The following CUX2 variants were observed in gnomAD, a reference collection of about 807,000 sequenced individuals.
The protein encoded by CUX2 is cut like homeobox 2.
CUX2 carries 40 observed loss-of-function variants against 144.8 expected under a neutral mutation model. The observed-to-expected ratio is 0.28, with a 90% CI of 0.21 to 0.36. The LOEUF is 0.36. CUX2 is among the 10% of genes least tolerant of loss of function. The pLI is 1.00. For missense variants in CUX2, 1,615 were observed against 1,994.0 expected (o/e 0.81, Z 3.62); for synonymous variants, 827 against 875.6 (o/e 0.94, Z 0.98).
intron 1 of CUX2, among the ~76,000 whole-genome samples, chr12:111,183,654 C>T (rs56688296): frequency 0.06 from 9,073 of 152,238 alleles, 552 homozygotes; most frequent in African/African-American, 0.15. Context: ...CCTCTCTGGG[C>T]GTCACTTCTC....
chr12:111,091,901 C>T lies in CUX2; in HGVS notation c.63+57661C>T, dbSNP rs116651203. On this transcript the variant is annotated intron_variant, in intron 1 of 21. Coordinates refer to ENST00000261726, the MANE Select transcript of CUX2 (RefSeq NM_015267.4). ...TGTCTCTTCTTATAAGGACAAGGGTCGCTAGATTTAGGGCCCACCCTAATC... is the reference window on the plus strand; with the variant it reads ...TGTCTCTTCTTATAAGGACAAGGGTTGCTAGATTTAGGGCCCACCCTAATC... Among the ~76,000 whole-genome samples, 130 of 152,322 alleles carry T rather than the reference C, an allele frequency of 8.5e-4. 1 individual carries two copies. Among genetic ancestry groups the T allele is most frequent in the African/African-American group, 3.0e-3 (126 of 41,570 alleles).
rs1242891444 is a variant in CUX2 at position 111,282,650 on chromosome 12, TCACA to T, written c.302-8765_302-8762del. On this transcript the variant is annotated intron_variant, in intron 4 of 21. Coordinates refer to ENST00000261726, the MANE Select transcript of CUX2 (RefSeq NM_015267.4). Reference sequence around the variant, plus strand: ...TAAAAAAAAAAAAAAAAAAAAAAAATCACACAGAACAGGAGGCTTAAACGCAAGA... The same window carrying T: ...TAAAAAAAAAAAAAAAAAAAAAAAATCAGAACAGGAGGCTTAAACGCAAGA... 6.0e-5 allele frequency among the ~76,000 whole-genome samples: 7 copies of T among 116,930 alleles called. No individual in the cohort carries two copies. In the East Asian group the frequency reaches 2.0e-3, roughly 34 times the overall value. 76.7% of individuals were successfully genotyped at this position (116,930 alleles called of 152,430 possible). A position where few individuals can be genotyped will look rare whatever the true frequency, so the allele number is the denominator to read the frequency against.
intron 1 of CUX2, among the ~76,000 whole-genome samples, chr12:111,134,854 A>T (rs79270933): frequency 0.032 from 4,866 of 152,236 alleles, 259 homozygotes; most frequent in African/African-American, 0.11. Flanking sequence ...AACTCCAGGC[A>T]GAAGGACCAT....
intron 18 of CUX2, among the ~76,000 whole-genome samples, chr12:111,330,730 T>TATATACACATATAC (rs1565926331): frequency 1.9e-5 from 1 of 51,586 alleles, no homozygotes; most frequent in East Asian, 3.3e-4. Flanking sequence ...TATATATATA[T>TATATACACATATAC]ATATATATAT....
chr12:111,304,082 G>A lies in CUX2; in HGVS notation c.754-128G>A. The stretch of plus-strand genomic sequence containing the variant: ...CTTCATAGCTCCAGGACAGGGTCCG[G>A]GACTAGGAAGGCAGGACCTGAGGCC... On this transcript the variant is annotated intron_variant, in intron 9 of 21. Coordinates refer to ENST00000261726, the MANE Select transcript of CUX2 (RefSeq NM_015267.4). This position sits in a 1 kb window ranked among gnomAD's most constrained non-coding sequence, Gnocchi z 4.7. 1 of 683,526 alleles carries A rather than the reference G, an allele frequency of 1.5e-6. No homozygotes were observed. Among genetic ancestry groups the A allele is most frequent in the Non-Finnish European group, 2.6e-6 (1 of 388,760 alleles). 42.3% of individuals were successfully genotyped at this position (683,526 alleles called of 1,614,324 possible). A position where few individuals can be genotyped will look rare whatever the true frequency, so the allele number is the denominator to read the frequency against.
At position 111,034,611 on chromosome 12, in the gene CUX2, G is replaced by T. The variant is rs530498736; in HGVS notation, c.63+371G>T. Among the ~76,000 whole-genome samples, 144 of 151,394 alleles carry T rather than the reference G, an allele frequency of 9.5e-4. 1 individual carries two copies. Among genetic ancestry groups the T allele is most frequent in the African/African-American group, 3.4e-3 (142 of 41,466 alleles). On this transcript the variant is annotated intron_variant, in intron 1 of 21. Coordinates refer to ENST00000261726, the MANE Select transcript of CUX2 (RefSeq NM_015267.4). The surrounding 1 kb of genome is among the most constrained non-coding windows in gnomAD (Gnocchi z 4.2). ...GTCCCCCCTGAGCCGCACTTTGCGC[G>T]CCTCCCAACTTCGCGGCGCCCGGGG... is the stretch of plus-strand genomic sequence containing the variant.
intron 1 of CUX2, among the ~76,000 whole-genome samples, chr12:111,083,345 CAAGGAGACCACG>C (rs1872011589): frequency 1.3e-5 from 2 of 151,976 alleles, no homozygotes; most frequent in Non-Finnish European, 2.9e-5. Flanking sequence ...ATCAGCAGGC[CAAGGAGACCACG>C]AAGGAGACAG....
chr12:111,216,559 C>T (rs10083213), intron 2 of CUX2, among the ~76,000 whole-genome samples: 54,097 of 152,070 alleles, frequency 0.36, 12,006 homozygotes, highest in East Asian at 0.64. Context: ...CTCATGCTGC[C>T]GTCATAAGCT....
chr12:111,070,529 A>G (rs1483987078), intron 1 of CUX2, among the ~76,000 whole-genome samples: 1 of 151,844 alleles, frequency 6.6e-6, no homozygotes, highest in Non-Finnish European at 1.5e-5. Context: ...TCTCTGCCCC[A>G]ATATGTGCAT....
chr12:111,205,643 C>T (rs1290893903), intron 1 of CUX2, among the ~76,000 whole-genome samples: 4 of 152,148 alleles, frequency 2.6e-5, no homozygotes, highest in African/African-American at 4.8e-5. Context: ...AAGCACTTGA[C>T]CTGCTTACAG....
At chr12:111,236,947 G>A (rs745310316) in intron 3 of CUX2, among the ~76,000 whole-genome samples, 7 of 152,168 alleles carry the variant, frequency 4.6e-5, no homozygotes, top group Admixed American at 6.5e-5. Flanking sequence ...CCAGGAGTTT[G>A]AGACCAGCCT....
chr12:111,054,924 G>A (rs1329642217), intron 1 of CUX2, among the ~76,000 whole-genome samples: 2 of 152,148 alleles, frequency 1.3e-5, no homozygotes, highest in East Asian at 3.8e-4. Flanking sequence ...ACCACACCCG[G>A]CCCTAGACAC....
chr12:111,085,786 G>A (rs1432939506), intron 1 of CUX2, among the ~76,000 whole-genome samples: 1 of 152,172 alleles, frequency 6.6e-6, no homozygotes, highest in Non-Finnish European at 1.5e-5. Flanking sequence ...GTTTCTTTGA[G>A]TTTGGAATCT....
At chr12:111,140,420 C>T (rs963363040) in intron 1 of CUX2, among the ~76,000 whole-genome samples, 2 of 152,150 alleles carry the variant, frequency 1.3e-5, no homozygotes, top group Non-Finnish European at 2.9e-5. Context: ...GTCACAGCAC[C>T]ACCTATCAAA....
At chr12:111,153,768 A>G (rs1399128036) in intron 1 of CUX2, among the ~76,000 whole-genome samples, 1 of 152,148 alleles carries the variant, frequency 6.6e-6, no homozygotes, top group Admixed American at 6.5e-5. Context: ...CACCCCAGGA[A>G]TGTATCTCAG....
At chr12:111,153,679 C>T (rs1435406183) in intron 1 of CUX2, among the ~76,000 whole-genome samples, 1 of 152,112 alleles carries the variant, frequency 6.6e-6, no homozygotes, top group African/African-American at 2.4e-5. Context: ...CCTCTTGGAG[C>T]CTCTATTCTA....
At chr12:111,231,626 C>T (rs748171478) in intron 3 of CUX2, among the ~76,000 whole-genome samples, 13 of 152,190 alleles carry the variant, frequency 8.5e-5, no homozygotes, top group Middle Eastern at 3.2e-3. Flanking sequence ...TTTATTAGAA[C>T]ACAGTCCATT....
chr12:111,284,937 G>A (rs1885300022), intron 4 of CUX2, among the ~76,000 whole-genome samples: 2 of 152,166 alleles, frequency 1.3e-5, no homozygotes, highest in Admixed American at 1.3e-4. Flanking sequence ...CACTGCAGGA[G>A]TCCACCCCTC....
chr12:111,227,025 G>C (rs1379325111), intron 3 of CUX2, among the ~76,000 whole-genome samples: 1 of 152,178 alleles, frequency 6.6e-6, no homozygotes, highest in Non-Finnish European at 1.5e-5. Context: ...CTGGGAGGTG[G>C]GAGACACAAG....
Sources: allele counts gnomAD v4.1 joint callset (sites outside exome capture counted in the v4.1 genomes callset), GRCh38; gene constraint gnomAD v4.1.1; non-coding constraint Gnocchi (gnomAD v3.1); transcripts MANE v1.5; gene names NCBI Gene and HGNC (gene_info 2026-07-23, HGNC 2026-07-21).